The following ARNT2 variants were observed in gnomAD, a reference collection of about 807,000 sequenced individuals.
The protein encoded by ARNT2 is aryl hydrocarbon receptor nuclear translocator 2, also known as ARNT protein 2.
ARNT2 carries 36 observed loss-of-function variants against 91.7 expected under a neutral mutation model. The ratio of observed to expected loss-of-function variants is 0.39; its 90% CI spans 0.30 to 0.52. The LOEUF (loss-of-function observed/expected upper bound fraction) is 0.52, where lower values mean the gene tolerates loss of function less well. Ranked by LOEUF, ARNT2 falls within the 20% of genes least tolerant of loss-of-function variation. ARNT2 has a pLI of 0.72. For missense variants in ARNT2, 775 were observed against 939.3 expected (o/e 0.83, Z 2.29); for synonymous variants, 365 against 347.1 (o/e 1.05, Z -0.57).
chr15:80,487,345 T>C (rs899403397), intron 5 of ARNT2, among the ~76,000 whole-genome samples: 9 of 152,200 alleles, frequency 5.9e-5, no homozygotes, highest in African/African-American at 9.7e-5. Flanking sequence ...AGGTCAGGGC[T>C]GTTTTTGCTG....
At chr15:80,447,201 A>C (rs945381651) in intron 1 of ARNT2, among the ~76,000 whole-genome samples, 4 of 152,060 alleles carry the variant, frequency 2.6e-5, no homozygotes, top group African/African-American at 9.7e-5. Context: ...GGGAGAAGCT[A>C]TGTCTGTGTT....
chr15:80,430,026 GTGCC>G (rs1162605594), intron 1 of ARNT2, among the ~76,000 whole-genome samples: 1 of 152,142 alleles, frequency 6.6e-6, no homozygotes, highest in African/African-American at 2.4e-5. Flanking sequence ...GGGGATGAAA[GTGCC>G]TGTCCTTGAG....
intron 2 of ARNT2, among the ~76,000 whole-genome samples, chr15:80,452,876 C>T (rs563329363): frequency 3.1e-4 from 47 of 152,214 alleles, no homozygotes; most frequent in Non-Finnish European, 6.8e-4. Flanking sequence ...AGCCTGGTGT[C>T]CACACCCTGA....
chr15:80,522,505 C>CA (rs1897565180), intron 8 of ARNT2, among the ~76,000 whole-genome samples: 1 of 152,154 alleles, frequency 6.6e-6, no homozygotes, highest in South Asian at 2.1e-4. Flanking sequence ...TGCACTTAAA[C>CA]AGACGTAGGT....
chr15:80,557,881 A>G (rs1054860292), intron 11 of ARNT2, among the ~76,000 whole-genome samples: 1 of 152,068 alleles, frequency 6.6e-6, no homozygotes, highest in African/African-American at 2.4e-5. Context: ...GGAAGACATA[A>G]ATTAGGTTTT....
At chr15:80,543,571 C>T (rs1897945586) in intron 8 of ARNT2, among the ~76,000 whole-genome samples, 1 of 152,164 alleles carries the variant, frequency 6.6e-6, no homozygotes, top group South Asian at 2.1e-4. Context: ...CCTTCACAGA[C>T]TTTTAAGTGT....
chr15:80,413,558 T>A (rs1022306786), intron 1 of ARNT2, among the ~76,000 whole-genome samples: 1 of 152,228 alleles, frequency 6.6e-6, no homozygotes, highest in Non-Finnish European at 1.5e-5. Flanking sequence ...TTGTTTCTGA[T>A]TTGGCCATCC....
At chr15:80,506,643 G>T (rs188670726) in intron 5 of ARNT2, among the ~76,000 whole-genome samples, 1 of 152,342 alleles carries the variant, frequency 6.6e-6, no homozygotes, top group African/African-American at 2.4e-5. Flanking sequence ...ACAGGAGGCC[G>T]ATTGAGTTTC....
rs748815091 is a variant in ARNT2 at position 80,552,732 on chromosome 15, T to C, written c.1047T>C (p.Phe349=). The change falls in exon 10 of 19, where the codon TTT becomes TTC. Residue 349 remains phenylalanine, a synonymous_variant. Transcript: ENST00000303329. ...ATAACTCCGATGGAATCATCACATTTGTGGATCCAAGATGTATCAGTGTGA... is the reference window on the plus strand; with the variant it reads ...ATAACTCCGATGGAATCATCACATTCGTGGATCCAAGATGTATCAGTGTGA... ...SRHNSDGIIT[F]VDPRCISVIG... is the part of the protein sequence containing the mutation. The C allele has an allele frequency of 3.3e-5, 54 of 1,614,034 alleles. No individual in the cohort carries two copies. The highest frequency in any genetic ancestry group is 4.3e-5 in the Non-Finnish European group (51 of 1,180,002).
intron 1 of ARNT2, among the ~76,000 whole-genome samples, chr15:80,422,288 T>C (rs986313887): frequency 6.6e-6 from 1 of 151,754 alleles, no homozygotes; most frequent in South Asian, 2.1e-4. Flanking sequence ...GTAGGGAAAA[T>C]AGAAAATAAC....
chr15:80,505,104 C>T (rs1221414110), intron 5 of ARNT2, among the ~76,000 whole-genome samples: 2 of 152,234 alleles, frequency 1.3e-5, no homozygotes, highest in Admixed American at 6.5e-5. Context: ...TCGCTTGCCT[C>T]CTGTGTGCGA....
At chr15:80,574,652 C>G (rs1474313406) in intron 13 of ARNT2, among the ~76,000 whole-genome samples, 1 of 152,162 alleles carries the variant, frequency 6.6e-6, no homozygotes, top group African/African-American at 2.4e-5. Flanking sequence ...CCGGCTCTGT[C>G]TCCTTTCCTT....
At chr15:80,540,647 C>T (rs1267860550) in intron 8 of ARNT2, among the ~76,000 whole-genome samples, 1 of 152,042 alleles carries the variant, frequency 6.6e-6, no homozygotes, top group Admixed American at 6.6e-5. Flanking sequence ...CCTTTGCCCT[C>T]CTCCTTCCCC....
At chr15:80,421,390 T>C (rs1867793) in intron 1 of ARNT2, among the ~76,000 whole-genome samples, 27,082 of 98,388 alleles carry the variant, frequency 0.28, 2,763 homozygotes, top group Middle Eastern at 0.35. Context: ...CCTAAAGCTA[T>C]TGAAATAGAA....
At chr15:80,520,274 A>T (rs1897519459) in intron 8 of ARNT2, among the ~76,000 whole-genome samples, 1 of 152,220 alleles carries the variant, frequency 6.6e-6, no homozygotes, top group Non-Finnish European at 1.5e-5. Flanking sequence ...ACACACGGTT[A>T]TTAAAGTCGT....
intron 11 of ARNT2, among the ~76,000 whole-genome samples, chr15:80,562,260 G>T (rs1283257365): frequency 1.3e-5 from 2 of 152,086 alleles, no homozygotes; most frequent in Non-Finnish European, 2.9e-5. Context: ...TAGAGACGGG[G>T]TTTTGCCATG....
intron 1 of ARNT2, among the ~76,000 whole-genome samples, chr15:80,412,395 G>C (rs1338111450): frequency 6.6e-5 from 10 of 152,116 alleles, no homozygotes; most frequent in Non-Finnish European, 1.3e-4. Flanking sequence ...GATCTGTGTT[G>C]ATTGTAAAAA....
chr15:80,530,582 G>C (rs759960549), intron 8 of ARNT2, among the ~76,000 whole-genome samples: 4 of 152,060 alleles, frequency 2.6e-5, no homozygotes, highest in Non-Finnish European at 4.4e-5. Context: ...ATCCTTCCCT[G>C]GTTGCCAGGG....
chr15:80,557,809 C>T (rs557596619), intron 11 of ARNT2, among the ~76,000 whole-genome samples: 12 of 152,270 alleles, frequency 7.9e-5, no homozygotes, highest in African/African-American at 2.6e-4. Context: ...CCCATTCTGA[C>T]CATTGCAGTC....
Sources: allele counts gnomAD v4.1 joint callset (sites outside exome capture counted in the v4.1 genomes callset), GRCh38; gene constraint gnomAD v4.1.1; transcripts MANE v1.5; gene names NCBI Gene and HGNC (gene_info 2026-07-23, HGNC 2026-07-21).